Variants in TMTC2 observed in about 807,000 individuals in gnomAD.
TMTC2 encodes the protein transmembrane O-mannosyltransferase targeting cadherins 2, also known as protein O-mannosyl-transferase TMTC2.
Under a neutral mutation model 82.4 loss-of-function variants are expected in TMTC2, and 43 were observed. That is an observed-to-expected ratio of 0.52 (90% CI 0.41 to 0.67). TMTC2 has a LOEUF of 0.67. Ranked by LOEUF, TMTC2 falls within the 30% of genes least tolerant of loss-of-function variation. The pLI is 0.00. For missense variants in TMTC2, 919 were observed against 1,012.4 expected (o/e 0.91, Z 1.25); for synonymous variants, 408 against 381.9 (o/e 1.07, Z -0.80).
At chr12:82,864,073 A>G (rs760482979) in intron 2 of TMTC2, among the ~76,000 whole-genome samples, 1 of 152,156 alleles carries the variant, frequency 6.6e-6, no homozygotes, top group Non-Finnish European at 1.5e-5. Flanking sequence ...AGTAAAGGGT[A>G]CAGCATGAGC....
At chr12:82,982,972 T>TTATAGAAG (rs1878991720) in intron 7 of TMTC2, among the ~76,000 whole-genome samples, 1 of 151,988 alleles carries the variant, frequency 6.6e-6, no homozygotes, top group Non-Finnish European at 1.5e-5. Flanking sequence ...ATGAGATACG[T>TTATAGAAG]TTATAAAGCA....
intron 1 of TMTC2, among the ~76,000 whole-genome samples, chr12:82,793,092 G>A (rs1055375574): frequency 6.6e-6 from 1 of 152,092 alleles, no homozygotes; most frequent in Non-Finnish European, 1.5e-5. Flanking sequence ...CCACTGCAGG[G>A]TTTAATTACA....
chr12:83,036,037 G>T (rs1346836206), intron 9 of TMTC2, among the ~76,000 whole-genome samples: 1 of 152,084 alleles, frequency 6.6e-6, no homozygotes, highest in East Asian at 1.9e-4. Context: ...TATACAACTC[G>T]AACAGTTTCT....
intron 11 of TMTC2, among the ~76,000 whole-genome samples, chr12:83,115,575 G>A (rs1327428681): frequency 6.6e-6 from 1 of 151,604 alleles, no homozygotes; most frequent in East Asian, 1.9e-4. Context: ...AATTAAGGTG[G>A]AGTACTGATT....
chr12:82,794,607 T>C (rs2137027264), intron 1 of TMTC2, among the ~76,000 whole-genome samples: 1 of 152,298 alleles, frequency 6.6e-6, no homozygotes, highest in Admixed American at 6.5e-5. Context: ...AAGGCTTCTA[T>C]TATAAGCACA....
rs1473699286 is a variant in TMTC2, at chr12:82,756,327, GA to G, written c.83+68659del. Among the ~76,000 whole-genome samples, 7 of 152,304 alleles carry G rather than the reference GA, an allele frequency of 4.6e-5. No individual in the cohort carries two copies. The East Asian group carries it at 1.2e-3, about 25-fold the overall frequency. ...ACCTCCAAGGACAGATAATGTCCTT[GA>G]TTAGCAGAGTAGCTGGGTTATTACA... On this transcript the variant is annotated intron_variant, in intron 1 of 11. Transcript: ENST00000321196.
intron 1 of TMTC2, among the ~76,000 whole-genome samples, chr12:82,742,412 A>G (rs1476995978): frequency 1.3e-5 from 2 of 152,136 alleles, no homozygotes; most frequent in East Asian, 1.9e-4. Flanking sequence ...TGCCACCACT[A>G]TATGGTAGCT....
At position 82,875,374 on chromosome 12, in the gene TMTC2, G is replaced by GCATATATATATATATATATATATATA. The variant is rs1032944879; in HGVS notation, c.654+17794_654+17795insCATATATATATATATATATATATATA. Among the ~76,000 whole-genome samples, 150 of 150,818 alleles carry GCATATATATATATATATATATATATA rather than the reference G, an allele frequency of 9.9e-4. 2 individuals are homozygous for GCATATATATATATATATATATATATA. The highest frequency in any genetic ancestry group is 3.3e-3 in the African/African-American group (133 of 40,756). ...TTATTAAATTAAATCATATATGTGT[G>GCATATATATATATATATATATATATA]TATATATATATATGTTTTACAGCTG... On this transcript the variant is annotated intron_variant, in intron 2 of 11. Coordinates refer to ENST00000321196, the MANE Select transcript of TMTC2 (RefSeq NM_152588.3).
At chr12:82,981,607 G>C (rs1024823473) in intron 7 of TMTC2, among the ~76,000 whole-genome samples, 1 of 151,892 alleles carries the variant, frequency 6.6e-6, no homozygotes, top group South Asian at 2.1e-4. Context: ...GAATGAGAAA[G>C]GAAAATAGTC....
chr12:82,946,084 A>G (rs1332751763), intron 4 of TMTC2, among the ~76,000 whole-genome samples: 1 of 152,182 alleles, frequency 6.6e-6, no homozygotes, highest in Non-Finnish European at 1.5e-5. Flanking sequence ...TTAAATTAGC[A>G]ACCCATCTGC....
intron 11 of TMTC2, among the ~76,000 whole-genome samples, chr12:83,087,814 G>T (rs1333479038): frequency 6.6e-6 from 1 of 152,218 alleles, no homozygotes; most frequent in South Asian, 2.1e-4. Flanking sequence ...CACAAGAGGA[G>T]ATTTAGTGTA....
chr12:83,112,796 A>G (rs1884638274), intron 11 of TMTC2, among the ~76,000 whole-genome samples: 1 of 152,190 alleles, frequency 6.6e-6, no homozygotes, highest in Admixed American at 6.5e-5. Context: ...AAGCTTTAGT[A>G]TAGTCAAATA....
intron 3 of TMTC2, among the ~76,000 whole-genome samples, chr12:82,902,274 C>T (rs1247140301): frequency 6.6e-6 from 1 of 152,184 alleles, no homozygotes; most frequent in African/African-American, 2.4e-5. Flanking sequence ...AGACTGCCAC[C>T]CTCAGGAGTT....
intron 8 of TMTC2, among the ~76,000 whole-genome samples, chr12:82,989,919 C>G (rs921227349): frequency 5.3e-5 from 8 of 152,200 alleles, no homozygotes; most frequent in African/African-American, 1.9e-4. Context: ...ATGGCTTAAA[C>G]TCACAGTGCC....
chr12:82,805,608 C>T (rs1192337168), intron 1 of TMTC2, among the ~76,000 whole-genome samples: 2 of 147,488 alleles, frequency 1.4e-5, no homozygotes, highest in African/African-American at 5.0e-5. Context: ...CCGGGGTTCA[C>T]GCCATTCTCC....
chr12:82,725,138 T>TAA (rs139018561), intron 1 of TMTC2, among the ~76,000 whole-genome samples: 4 of 147,180 alleles, frequency 2.7e-5, no homozygotes, highest in East Asian at 3.9e-4. Context: ...TAAAAAGTCT[T>TAA]AAAAAAAAAA....
At position 82,777,906 on chromosome 12, in the gene TMTC2, C is replaced by T. The variant is rs566829849; in HGVS notation, c.84-79104C>T. Among the ~76,000 whole-genome samples, 48 of 152,166 alleles carry T rather than the reference C, an allele frequency of 3.2e-4. 1 individual carries two copies. Among genetic ancestry groups the T allele is most frequent in the African/African-American group, 1.1e-3 (47 of 41,536 alleles). On this transcript the variant is annotated intron_variant, in intron 1 of 11. Transcript: ENST00000321196. Reference sequence around the variant, plus strand: ...CTCTTTCTGCCTGCCCAGATGCTTCCCTTTCTTCCAAGGCCCCTGTCCTCT... The same window carrying T: ...CTCTTTCTGCCTGCCCAGATGCTTCTCTTTCTTCCAAGGCCCCTGTCCTCT...
intron 1 of TMTC2, among the ~76,000 whole-genome samples, chr12:82,842,951 A>G (rs1279896935): frequency 6.6e-6 from 1 of 152,176 alleles, no homozygotes. Flanking sequence ...ACTGGAGATT[A>G]GGACTTCAAC....
intron 8 of TMTC2, among the ~76,000 whole-genome samples, chr12:83,005,224 A>AAAAAAAAG (rs1555204787): frequency 1.0e-3 from 13 of 12,710 alleles, no homozygotes; most frequent in Admixed American, 4.0e-3. Flanking sequence ...AAAAAAAAAA[A>AAAAAAAAG]GGGGAGAGAG....
Sources: gnomAD v4.1 joint callset for allele counts (sites outside exome capture counted in the v4.1 genomes callset) on GRCh38, gnomAD v4.1.1 for gene constraint, MANE v1.5 for transcripts, NCBI Gene and HGNC (gene_info 2026-07-23, HGNC 2026-07-21) for gene names.